The following ZNF608 variants were observed in gnomAD, a reference collection of about 807,000 sequenced individuals.
The protein encoded by ZNF608 is renal carcinoma antigen NY-REN-36.
ZNF608 carries 12 observed loss-of-function variants against 109.0 expected under a neutral mutation model. The ratio of observed to expected loss-of-function variants is 0.11; its 90% confidence interval spans 0.07 to 0.18. ZNF608 has a LOEUF of 0.18. Among genes scored for constraint, ZNF608 ranks in the 10% least tolerant of loss-of-function variants. The pLI, the probability that ZNF608 is intolerant of heterozygous loss-of-function variation, is 1.00. For synonymous variants in ZNF608, 732 were observed against 717.4 expected (o/e 1.02, Z -0.33); for missense variants, 1,707 against 1,879.3 (o/e 0.91, Z 1.70).
intron 2 of ZNF608, among the ~76,000 whole-genome samples, chr5:124,709,040 C>A (rs559846516): frequency 6.6e-6 from 1 of 151,710 alleles, no homozygotes; most frequent in African/African-American, 2.4e-5. Flanking sequence ...GGCGTGGTAG[C>A]GGCTCCTGTA....
At chr5:124,700,904 A>G in intron 3 of ZNF608, 110 bp downstream of exon 3, 2 of 1,419,524 alleles carry the variant, frequency 1.4e-6, no homozygotes, top group Non-Finnish European at 1.9e-6. Flanking sequence ...AATAAAAAAC[A>G]CTTTCCATTC....
At chr5:124,651,791 C>A (rs762256830) in intron 3 of ZNF608, among the ~76,000 whole-genome samples, 1 of 152,336 alleles carries the variant, frequency 6.6e-6, no homozygotes, top group Non-Finnish European at 1.5e-5. Flanking sequence ...GGCGGCCGCC[C>A]GGAGCACAGA....
At chr5:124,645,422 A>G (rs1291687609) in intron 5 of ZNF608, among the ~76,000 whole-genome samples, 7 of 152,158 alleles carry the variant, frequency 4.6e-5, no homozygotes, top group African/African-American at 1.7e-4. Context: ...TGTGATCCCC[A>G]TCCCATTCAT....
chr5:124,744,671 T>C lies in ZNF608; in HGVS notation c.319A>G (p.Lys107Glu), dbSNP rs1749570348. Residue 107 changes from lysine (K) to glutamate (E), a missense_variant, in exon 2 of 10, where the codon AAA becomes GAA. Physicochemically the swap from Lys to Glu is moderately conservative, Grantham distance 56. Transcript: ENST00000513986. This position sits in a 1 kb window ranked among gnomAD's most constrained non-coding sequence, Gnocchi z 4.5. Reference protein sequence around the residue: ...SHKETSKSKVKRSKTSKDANK... With the variant: ...SHKETSKSKVERSKTSKDANK... ...GCATCCTTAGAAGTTTTACTCCTTT[T>C]CACTTTTGATTTGCTGGTCTCTTTG... 1 of 1,614,216 alleles carries C rather than the reference T, an allele frequency of 6.2e-7. No homozygotes were observed. Among genetic ancestry groups the C allele is most frequent in the Non-Finnish European group, 8.5e-7 (1 of 1,180,040 alleles).
intron 2 of ZNF608, among the ~76,000 whole-genome samples, chr5:124,720,219 G>C (rs1285692561): frequency 6.6e-6 from 1 of 152,128 alleles, no homozygotes; most frequent in Non-Finnish European, 1.5e-5. Flanking sequence ...TGTATTTGGG[G>C]GCAAGCGGGG....
chr5:124,740,852 AT>A (rs1211380851), intron 2 of ZNF608, among the ~76,000 whole-genome samples: 1 of 152,184 alleles, frequency 6.6e-6, no homozygotes, highest in Non-Finnish European at 1.5e-5. Context: ...ATATTTTTGA[AT>A]TTTCCAGAAA....
At chr5:124,645,510 C>T (rs1441297216) in intron 5 of ZNF608, among the ~76,000 whole-genome samples, 8 of 151,210 alleles carry the variant, frequency 5.3e-5, no homozygotes, top group African/African-American at 1.5e-4. Flanking sequence ...GTGTGGGTGG[C>T]GGTGGTGGGG....
chr5:124,668,092 C>G (rs1437887012), intron 3 of ZNF608, among the ~76,000 whole-genome samples: 3 of 151,428 alleles, frequency 2.0e-5, no homozygotes, highest in African/African-American at 7.3e-5. Context: ...TGGCTCATGC[C>G]TGTAATACCA....
Position 124,647,577 on chromosome 5 carries a change from C to A in ZNF608, c.2807G>T (p.Ser936Ile). 6.2e-7 allele frequency: 1 copy of A among 1,614,242 alleles called. No homozygotes were observed. The highest frequency in any genetic ancestry group is 8.5e-7 in the Non-Finnish European group (1 of 1,180,046). ...GAESSAAKTS[S>I]PAYSDISDAA... ...ATCAGATATGTCTGAATAGGCCGGG[C>A]TGCTTGTCTTTGCAGCTGAACTCTC... The change falls in exon 5 of 10, where the codon AGC becomes ATC. Residue 936 changes from serine to isoleucine, a missense_variant. By Grantham distance (142) the Ser-to-Ile change is moderately radical (BLOSUM62 -2). This residue lies in a region of ZNF608 where 1,073 missense variants were observed against 1,133.5 expected (regional missense o/e 0.95). Coordinates refer to ENST00000513986, the MANE Select transcript of ZNF608 (RefSeq NM_020747.3).
intron 3 of ZNF608, among the ~76,000 whole-genome samples, chr5:124,696,207 A>AAG (rs369157792): frequency 2.0e-5 from 3 of 152,070 alleles, no homozygotes; most frequent in Admixed American, 1.3e-4. Context: ...AAAGGAAAAA[A>AAG]AGAGAGAGAG....
intron 3 of ZNF608, among the ~76,000 whole-genome samples, chr5:124,685,951 T>C (rs939551832): frequency 4.6e-5 from 7 of 152,168 alleles, no homozygotes; most frequent in Admixed American, 3.9e-4. Context: ...ACTCAACATA[T>C]GATGTGCTTT....
At chr5:124,706,629 A>G (rs1753268357) in intron 2 of ZNF608, among the ~76,000 whole-genome samples, 1 of 152,168 alleles carries the variant, frequency 6.6e-6, no homozygotes, top group African/African-American at 2.4e-5. Context: ...TGTTTTAGCA[A>G]TGGTTTCTTT....
chr5:124,725,222 C>T lies in ZNF608; in HGVS notation c.906+18862G>A, dbSNP rs115426932. On this transcript the variant is annotated intron_variant, in intron 2 of 9. Transcript: ENST00000513986. ...AAATAAAATTCTTCTTTTCCACCAT[C>T]TCTTTCTACCACCTTCTCCTGCTTG... Among the ~76,000 whole-genome samples, 300 of 152,090 alleles carry T rather than the reference C, an allele frequency of 2.0e-3. 2 individuals carry two copies. Among genetic ancestry groups the T allele is most frequent in the Middle Eastern group, 3.4e-3 (1 of 294 alleles).
intron 3 of ZNF608, among the ~76,000 whole-genome samples, chr5:124,683,517 T>C (rs1289298116): frequency 6.6e-6 from 1 of 151,980 alleles, no homozygotes; most frequent in East Asian, 1.9e-4. Context: ...GAAAAATAAA[T>C]CAAGAAATAT....
chr5:124,659,749 A>C (rs936121287), intron 3 of ZNF608, among the ~76,000 whole-genome samples: 23 of 152,204 alleles, frequency 1.5e-4, no homozygotes, highest in African/African-American at 5.3e-4. Context: ...ATAGGACTGT[A>C]TCTTAAAGTA....
At chr5:124,675,179 CAGCA>C (rs1751890626) in intron 3 of ZNF608, among the ~76,000 whole-genome samples, 1 of 152,170 alleles carries the variant, frequency 6.6e-6, no homozygotes, top group Non-Finnish European at 1.5e-5. Flanking sequence ...TAAAGAGTAT[CAGCA>C]AGGGTGAAAT....
At chr5:124,714,000 G>A (rs1386462585) in intron 2 of ZNF608, among the ~76,000 whole-genome samples, 2 of 152,080 alleles carry the variant, frequency 1.3e-5, no homozygotes, top group Admixed American at 6.5e-5. Context: ...TCTAACTTAA[G>A]CAGTCATAAC....
intron 2 of ZNF608, among the ~76,000 whole-genome samples, chr5:124,733,687 G>T (rs1285526029): frequency 6.6e-6 from 1 of 152,062 alleles, no homozygotes; most frequent in African/African-American, 2.4e-5. Context: ...AACCCAGGAG[G>T]TCTCTGCAAT....
rs764151706 is a variant in ZNF608, at chr5:124,647,078, T to C, written c.3306A>G (p.Arg1102=). Residue 1102 remains arginine, a synonymous_variant, in exon 5 of 10, where the codon AGA becomes AGG. Transcript: ENST00000513986. ...CCTCATAGTACTTCTCATACTGCTG[T>C]CTATAGGCAGGGCTGGTGGCCATCA... ...KSLMATSPAY[R]QQYEKYYEDQ... 7.4e-6 allele frequency: 12 copies of C among 1,614,164 alleles called. No homozygotes were observed. The South Asian group carries it at 1.3e-4, about 18-fold the overall frequency.
Sources: gnomAD v4.1 joint callset for allele counts (sites outside exome capture counted in the v4.1 genomes callset) on GRCh38, gnomAD v4.1.1 for gene constraint, gnomAD v4.1.1 regional missense constraint, Gnocchi (gnomAD v3.1) non-coding constraint, MANE v1.5 for transcripts, NCBI Gene and HGNC (gene_info 2026-07-23, HGNC 2026-07-21) for gene names.